The following GRID1 variants were observed in gnomAD, a reference collection of about 807,000 sequenced individuals.
GRID1 encodes glutamate receptor ionotropic, delta-1.
A neutral mutation model predicts 98.0 loss-of-function variants in GRID1; 28 were observed. The observed-to-expected ratio is 0.29, with a 90% CI of 0.21 to 0.39. GRID1 has a LOEUF of 0.39. Ranked by LOEUF, GRID1 falls within the 10% of genes least tolerant of loss-of-function variation. The pLI is 1.00. For synonymous variants in GRID1, 553 were observed against 538.5 expected (o/e 1.03, Z -0.37); for missense variants, 1,111 against 1,340.5 (o/e 0.83, Z 2.67).
chr10:85,969,775 C>T (rs1169034268), intron 4 of GRID1, among the ~76,000 whole-genome samples: 1 of 151,742 alleles, frequency 6.6e-6, no homozygotes, highest in Non-Finnish European at 1.5e-5. Flanking sequence ...AACCTTCTCC[C>T]TTAAGAAACT....
At chr10:85,897,601 TATG>T (rs940380032) in intron 5 of GRID1, among the ~76,000 whole-genome samples, 3 of 152,308 alleles carry the variant, frequency 2.0e-5, no homozygotes, top group African/African-American at 7.2e-5. Flanking sequence ...TCTTTCTTTT[TATG>T]ATGATGATGA....
rs1554857289 is a variant in GRID1 at position 85,599,800 on chromosome 10, A to ATATATATATATAT, written c.*2472_*2473insATATATATATATA. 2.2e-5 allele frequency: 1 copy of ATATATATATATAT among 46,384 alleles called. No individual in the cohort carries two copies. The highest frequency in any genetic ancestry group is 1.9e-4 in the Admixed American group (1 of 5,260). 2.9% of individuals were successfully genotyped at this position (46,384 alleles called of 1,614,324 possible). A position where few individuals can be genotyped will look rare whatever the true frequency, so the allele number is the denominator to read the frequency against. On this transcript the variant is annotated 3_prime_UTR_variant, in exon 16 of 16. Coordinates refer to ENST00000327946, the MANE Select transcript of GRID1 (RefSeq NM_017551.3). ...GGGTAGAAAATTCTAAAAAAAAAAA[A>ATATATATATATAT]AAATATATATATATATATATAAACA... is the stretch of plus-strand genomic sequence containing the variant.
chr10:86,273,247 AT>A (rs533238124), intron 2 of GRID1, among the ~76,000 whole-genome samples: 7,772 of 149,600 alleles, frequency 0.052, 374 homozygotes, highest in African/African-American at 0.13. Context: ...TGAACTCATC[AT>A]TTTTTATGGC....
intron 12 of GRID1, among the ~76,000 whole-genome samples, chr10:85,656,218 A>G (rs534259218): frequency 6.6e-6 from 1 of 152,286 alleles, no homozygotes; most frequent in Admixed American, 6.5e-5. Flanking sequence ...TCCAACCAGT[A>G]GCATTTGACA....
At chr10:85,893,318 G>A (rs1480991572) in intron 5 of GRID1, among the ~76,000 whole-genome samples, 3 of 152,080 alleles carry the variant, frequency 2.0e-5, no homozygotes, top group Admixed American at 6.6e-5. Flanking sequence ...CTAAGAGCAG[G>A]AAAAAGGCAT....
At chr10:86,332,270 G>C (rs1413316777) in intron 2 of GRID1, among the ~76,000 whole-genome samples, 1 of 152,184 alleles carries the variant, frequency 6.6e-6, no homozygotes, top group Non-Finnish European at 1.5e-5. Context: ...GGCTGCCCCA[G>C]GACGGTGAAG....
At chr10:85,915,199 A>G (rs1841596197) in intron 5 of GRID1, among the ~76,000 whole-genome samples, 1 of 152,018 alleles carries the variant, frequency 6.6e-6, no homozygotes, top group Non-Finnish European at 1.5e-5. Flanking sequence ...TGCACACACA[A>G]ACATACTTAC....
At chr10:86,111,572 G>A (rs1404569689) in intron 4 of GRID1, among the ~76,000 whole-genome samples, 1 of 152,214 alleles carries the variant, frequency 6.6e-6, no homozygotes, top group Non-Finnish European at 1.5e-5. Flanking sequence ...AAATTAAACT[G>A]GGCAAGAGCT....
intron 4 of GRID1, among the ~76,000 whole-genome samples, chr10:86,028,556 A>C (rs146647421): frequency 7.9e-5 from 12 of 152,318 alleles, no homozygotes; most frequent in African/African-American, 2.6e-4. Context: ...TTAAATATTC[A>C]TGTGCAGATT....
chr10:86,075,339 G>A (rs985968188), intron 4 of GRID1, among the ~76,000 whole-genome samples: 14 of 147,114 alleles, frequency 9.5e-5, no homozygotes, highest in African/African-American at 2.5e-4. Context: ...GAGAAATTGC[G>A]AGACAGACAC....
intron 8 of GRID1, among the ~76,000 whole-genome samples, chr10:85,798,680 T>C (rs1842547339): frequency 6.6e-6 from 1 of 152,054 alleles, no homozygotes. Flanking sequence ...CATATTAAGA[T>C]CTCTTGTTCA....
chr10:86,045,758 A>T (rs763154233), intron 4 of GRID1, among the ~76,000 whole-genome samples: 1 of 152,248 alleles, frequency 6.6e-6, no homozygotes, highest in Non-Finnish European at 1.5e-5. Flanking sequence ...ACCAATTGTC[A>T]TAATGACTGG....
At chr10:86,277,796 A>C (rs897134133) in intron 2 of GRID1, among the ~76,000 whole-genome samples, 8 of 152,328 alleles carry the variant, frequency 5.3e-5, no homozygotes, top group South Asian at 4.1e-4. Flanking sequence ...AGGGACAAAA[A>C]AGTAATTAAC....
chr10:85,715,041 T>C (rs1400353701), intron 12 of GRID1, among the ~76,000 whole-genome samples: 2 of 152,034 alleles, frequency 1.3e-5, no homozygotes, highest in African/African-American at 4.8e-5. Flanking sequence ...TAAAAACAGA[T>C]ATATAGACGA....
intron 8 of GRID1, among the ~76,000 whole-genome samples, chr10:85,821,032 T>A (rs918150146): frequency 1.3e-5 from 2 of 152,040 alleles, no homozygotes; most frequent in Non-Finnish European, 2.9e-5. Context: ...CATCAACGGA[T>A]AAGCAGATAA....
intron 4 of GRID1, among the ~76,000 whole-genome samples, chr10:85,924,546 A>C (rs1348564597): frequency 6.6e-6 from 1 of 152,216 alleles, no homozygotes; most frequent in Non-Finnish European, 1.5e-5. Context: ...GCTAGTTCCC[A>C]TATATCATGC....
intron 4 of GRID1, among the ~76,000 whole-genome samples, chr10:85,964,562 T>C (rs1354520134): frequency 6.6e-6 from 1 of 152,198 alleles, no homozygotes; most frequent in African/African-American, 2.4e-5. Context: ...ATTTAATAAA[T>C]GGTGTTGAGA....
intron 8 of GRID1, among the ~76,000 whole-genome samples, chr10:85,837,742 C>A (rs1842923370): frequency 6.6e-6 from 1 of 152,088 alleles, no homozygotes; most frequent in South Asian, 2.1e-4. Context: ...AACTCAAAGC[C>A]AGAGTGTCTT....
At chr10:85,637,100 CT>C (rs1000732868) in intron 13 of GRID1, among the ~76,000 whole-genome samples, 2 of 151,936 alleles carry the variant, frequency 1.3e-5, no homozygotes, top group Admixed American at 6.6e-5. Flanking sequence ...TCAGAAAAAT[CT>C]TTTTTATAAA....
Sources: allele counts gnomAD v4.1 joint callset (sites outside exome capture counted in the v4.1 genomes callset), GRCh38; gene constraint gnomAD v4.1.1; transcripts MANE v1.5; gene names NCBI Gene and HGNC (gene_info 2026-07-23, HGNC 2026-07-21).